The following MYRIP variants were observed in gnomAD, a reference collection of about 807,000 sequenced individuals.
MYRIP encodes myosin VIIA and Rab interacting protein.
In MYRIP, 49 loss-of-function variants were observed where a neutral mutation model predicts 98.0. The observed-to-expected ratio is 0.50, with a 90% CI of 0.40 to 0.63. The LOEUF is 0.63. Among genes scored for constraint, MYRIP ranks in the 30% least tolerant of loss-of-function variants. The probability of loss-of-function intolerance (pLI) is 0.00; values close to 1 mark genes in which losing one functional copy is unlikely to be tolerated. For synonymous variants in MYRIP, 404 were observed against 409.5 expected (o/e 0.99, Z 0.16); for missense variants, 1,004 against 1,058.2 (o/e 0.95, Z 0.71).
chr3:39,927,587 T>G (rs1944445139), intron 2 of MYRIP, among the ~76,000 whole-genome samples: 1 of 151,968 alleles, frequency 6.6e-6, no homozygotes, highest in Admixed American at 6.6e-5. Context: ...CTGCACCAGA[T>G]GGATTCACAG....
At chr3:39,897,844 T>C (rs1247150597) in intron 1 of MYRIP, among the ~76,000 whole-genome samples, 1 of 125,882 alleles carries the variant, frequency 7.9e-6, no homozygotes, top group African/African-American at 3.3e-5. Context: ...TTTTTTTTTT[T>C]TAGGTTTGAT....
At chr3:40,145,978 T>C (rs1390451669) in intron 3 of MYRIP, among the ~76,000 whole-genome samples, 1 of 152,228 alleles carries the variant, frequency 6.6e-6, no homozygotes, top group Non-Finnish European at 1.5e-5. Context: ...TGCACTTTAG[T>C]GGTCTAGGCA....
intron 2 of MYRIP, among the ~76,000 whole-genome samples, chr3:39,988,527 T>C (rs1426213088): frequency 2.0e-5 from 3 of 152,126 alleles, no homozygotes; most frequent in Non-Finnish European, 4.4e-5. Flanking sequence ...AGTGGTGTTC[T>C]CTGTATTTCC....
At chr3:40,141,578 G>T (rs945264925) in intron 3 of MYRIP, among the ~76,000 whole-genome samples, 2 of 152,018 alleles carry the variant, frequency 1.3e-5, no homozygotes, top group Non-Finnish European at 2.9e-5. Context: ...ATTACTTTAG[G>T]TCTCATGTTT....
At chr3:39,990,884 A>G (rs1367195835) in intron 2 of MYRIP, among the ~76,000 whole-genome samples, 1 of 152,220 alleles carries the variant, frequency 6.6e-6, no homozygotes, top group Non-Finnish European at 1.5e-5. Flanking sequence ...CATCATTCTC[A>G]GCAAACTGTC....
At chr3:40,252,444 T>C (rs1953405694) in intron 16 of MYRIP, among the ~76,000 whole-genome samples, 1 of 152,078 alleles carries the variant, frequency 6.6e-6, no homozygotes, top group South Asian at 2.1e-4. Flanking sequence ...TTATCAACTA[T>C]CTTAAACCAT....
intron 12 of MYRIP, among the ~76,000 whole-genome samples, chr3:40,237,565 C>T (rs146531325): frequency 1.3e-5 from 2 of 152,268 alleles, no homozygotes; most frequent in African/African-American, 2.4e-5. Flanking sequence ...AGCCCCAGTC[C>T]ACCACCCAGA....
At chr3:39,950,444 T>C (rs1459273517) in intron 2 of MYRIP, among the ~76,000 whole-genome samples, 2 of 152,242 alleles carry the variant, frequency 1.3e-5, no homozygotes, top group African/African-American at 2.4e-5. Context: ...TAGAAACATA[T>C]GCTTTCCTGA....
chr3:39,920,535 T>C (rs1944282071), intron 2 of MYRIP, among the ~76,000 whole-genome samples: 1 of 152,240 alleles, frequency 6.6e-6, no homozygotes, highest in Non-Finnish European at 1.5e-5. Context: ...AGGGAGGTTT[T>C]TTCATACATT....
chr3:40,197,714 A>T (rs1372354691), intron 10 of MYRIP, among the ~76,000 whole-genome samples: 1 of 152,210 alleles, frequency 6.6e-6, no homozygotes, highest in Non-Finnish European at 1.5e-5. Flanking sequence ...CTCTAATGAG[A>T]ATGCAAAACT....
chr3:40,091,612 G>T (rs1948738854), intron 3 of MYRIP, among the ~76,000 whole-genome samples: 2 of 152,164 alleles, frequency 1.3e-5, no homozygotes, highest in African/African-American at 4.8e-5. Flanking sequence ...ACACACTTTT[G>T]CAGACACTTG....
intron 3 of MYRIP, among the ~76,000 whole-genome samples, chr3:40,145,161 T>C (rs1364662521): frequency 1.3e-5 from 2 of 152,196 alleles, no homozygotes; most frequent in Admixed American, 6.5e-5. Flanking sequence ...ACCACACTTG[T>C]AGTAAATGCC....
At chr3:40,117,761 C>T (rs566239744) in intron 3 of MYRIP, among the ~76,000 whole-genome samples, 1 of 152,282 alleles carries the variant, frequency 6.6e-6, no homozygotes, top group East Asian at 1.9e-4. Context: ...TAACTTTAGA[C>T]TCTTACCCTC....
At chr3:40,046,892 C>T (rs752663148) in intron 3 of MYRIP, among the ~76,000 whole-genome samples, 36 of 152,076 alleles carry the variant, frequency 2.4e-4, no homozygotes, top group African/African-American at 5.8e-4. Flanking sequence ...CTCTTCTCCC[C>T]GAGTAAGAAA....
chr3:39,976,488 G>T (rs1408810613), intron 2 of MYRIP, among the ~76,000 whole-genome samples: 15 of 152,112 alleles, frequency 9.9e-5, no homozygotes, highest in Non-Finnish European at 1.3e-4. Context: ...TCAGTGTGGC[G>T]ATTCCTCAGG....
intron 2 of MYRIP, among the ~76,000 whole-genome samples, chr3:39,939,716 G>A (rs879553525): frequency 1.3e-5 from 2 of 152,094 alleles, no homozygotes. Flanking sequence ...ACTTAGAATT[G>A]TAATTATTTT....
intron 3 of MYRIP, among the ~76,000 whole-genome samples, chr3:40,125,161 C>G (rs1450235449): frequency 3.9e-5 from 6 of 152,242 alleles, no homozygotes; most frequent in Non-Finnish European, 5.9e-5. Flanking sequence ...AGATGGAGCT[C>G]AAATCCCAGC....
intron 2 of MYRIP, among the ~76,000 whole-genome samples, chr3:39,904,631 G>A (rs1943832656): frequency 6.6e-6 from 1 of 152,144 alleles, no homozygotes; most frequent in Admixed American, 6.6e-5. Flanking sequence ...GCTCTGGCAG[G>A]TAAGTGGAGA....
chr3:40,031,313 T>TG (rs796093635), intron 2 of MYRIP, among the ~76,000 whole-genome samples: 10 of 152,192 alleles, frequency 6.6e-5, no homozygotes, highest in African/African-American at 1.9e-4. Flanking sequence ...AACATCACAC[T>TG]GGGGGTTAGT....
Sources: allele counts gnomAD v4.1 joint callset (sites outside exome capture counted in the v4.1 genomes callset), GRCh38; gene constraint gnomAD v4.1.1; transcripts MANE v1.5; gene names NCBI Gene and HGNC (gene_info 2026-07-23, HGNC 2026-07-21).